CSRNP3: variants seen among roughly 807,000 people sequenced by gnomAD.
CSRNP3 encodes cysteine and serine rich nuclear protein 3.
CSRNP3 carries 12 observed loss-of-function variants against 48.0 expected under a neutral mutation model. The ratio of observed to expected loss-of-function variants is 0.25; its 90% CI spans 0.16 to 0.41. CSRNP3 has a LOEUF of 0.41. Among genes scored for constraint, CSRNP3 ranks in the 10% least tolerant of loss-of-function variants. CSRNP3 has a pLI of 1.00. For missense variants in CSRNP3, 580 were observed against 724.4 expected, an observed-to-expected ratio of 0.80 and a Z score of 2.29; for synonymous variants, 263 against 269.7, an observed-to-expected ratio of 0.98 and a Z score of 0.24.
Position 165,529,661 on chromosome 2 carries a change from T to C in CSRNP3, c.-24+11700T>C, listed in dbSNP as rs543790350. ...AGTGCATGCAGAAACTTCTCTTTTT[T>C]TCAAACCGGCGTGGATGTATGATTT... On this transcript the variant is annotated intron_variant, in intron 3 of 6. Coordinates refer to ENST00000651982, the MANE Select transcript of CSRNP3 (RefSeq NM_001172173.2). 2.0e-5 allele frequency among the ~76,000 whole-genome samples: 3 copies of C among 152,328 alleles called. No homozygotes were observed. In the East Asian group the frequency reaches 5.8e-4, roughly 29 times the overall value.
intron 2 of CSRNP3, among the ~76,000 whole-genome samples, chr2:165,509,853 G>A (rs954110474): frequency 2.8e-4 from 42 of 152,046 alleles, no homozygotes; most frequent in African/African-American, 7.2e-4. Context: ...CATTGAATTC[G>A]GTCATCATGT....
intron 3 of CSRNP3, among the ~76,000 whole-genome samples, chr2:165,585,934 C>G (rs529488846): frequency 6.6e-6 from 1 of 152,218 alleles, no homozygotes; most frequent in Non-Finnish European, 1.5e-5. Context: ...TTGATGCCTC[C>G]TATTGTTCCT....
At chr2:165,525,529 C>T (rs1269389124) in intron 3 of CSRNP3, among the ~76,000 whole-genome samples, 1 of 149,210 alleles carries the variant, frequency 6.7e-6, no homozygotes, top group East Asian at 1.9e-4. Context: ...CTCTGTCGTC[C>T]AGGCTGGAGT....
intron 5 of CSRNP3, among the ~76,000 whole-genome samples, chr2:165,659,187 A>G (rs1007774181): frequency 3.3e-5 from 5 of 152,184 alleles, no homozygotes; most frequent in African/African-American, 1.2e-4. Context: ...GGGATGGAAT[A>G]TATGAAGTTA....
rs564981350 is a variant in CSRNP3 at position 165,611,671 on chromosome 2, G to C, written c.148+16458G>C. Among the ~76,000 whole-genome samples the C allele has an allele frequency of 3.9e-5, 6 of 152,028 alleles. No homozygotes were observed. The South Asian group carries it at 1.2e-3, about 32-fold the overall frequency. ...TTCTCACTGCAATTCTGTGAAATAG[G>C]TTCTATTTTTAATCTTAATTTTACA... On this transcript the variant is annotated intron_variant, in intron 4 of 6. Transcript: ENST00000651982.
At chr2:165,662,860 G>A (rs1687119522) in intron 5 of CSRNP3, among the ~76,000 whole-genome samples, 1 of 151,886 alleles carries the variant, frequency 6.6e-6, no homozygotes, top group Non-Finnish European at 1.5e-5. Context: ...TCAGAATTAT[G>A]TACTTTTCTC....
chr2:165,495,668 C>T (rs7560584), intron 2 of CSRNP3, among the ~76,000 whole-genome samples: 40,660 of 151,902 alleles, frequency 0.27, 5,621 homozygotes, highest in East Asian at 0.38. Context: ...AATTATATTT[C>T]AGAAGAGTTA....
chr2:165,524,771 T>C (rs1247498955), intron 3 of CSRNP3, among the ~76,000 whole-genome samples: 1 of 152,238 alleles, frequency 6.6e-6, no homozygotes, highest in Non-Finnish European at 1.5e-5. Context: ...TCAATAATTA[T>C]TTCCTTAGTA....
intron 2 of CSRNP3, among the ~76,000 whole-genome samples, chr2:165,513,774 T>C (rs1684539971): frequency 6.6e-6 from 1 of 152,114 alleles, no homozygotes; most frequent in Non-Finnish European, 1.5e-5. Flanking sequence ...CCATTGCCAA[T>C]CAAGATAGCA....
chr2:165,500,823 A>G (rs1684349431), intron 2 of CSRNP3, among the ~76,000 whole-genome samples: 1 of 152,108 alleles, frequency 6.6e-6, no homozygotes, highest in South Asian at 2.1e-4. Flanking sequence ...GAAAATGTAT[A>G]TACTTTAAAT....
intron 3 of CSRNP3, among the ~76,000 whole-genome samples, chr2:165,590,460 T>C (rs1685698167): frequency 2.0e-5 from 3 of 152,348 alleles, no homozygotes; most frequent in Admixed American, 2.0e-4. Flanking sequence ...ATAGTTACTA[T>C]TGTATTGAAT....
chr2:165,560,078 C>T (rs144637608), intron 3 of CSRNP3, among the ~76,000 whole-genome samples: 2 of 152,136 alleles, frequency 1.3e-5, no homozygotes, highest in East Asian at 3.9e-4. Context: ...GGATTACAGA[C>T]GTGAGCCAAT....
intron 5 of CSRNP3, among the ~76,000 whole-genome samples, chr2:165,671,912 A>C (rs1465287219): frequency 1.3e-5 from 2 of 152,176 alleles, no homozygotes; most frequent in Non-Finnish European, 2.9e-5. Context: ...AGAGCGGGGA[A>C]AAAATCCACC....
intron 4 of CSRNP3, among the ~76,000 whole-genome samples, chr2:165,654,604 C>T (rs1430999807): frequency 6.6e-6 from 1 of 152,090 alleles, no homozygotes; most frequent in African/African-American, 2.4e-5. Context: ...CAGGGATCAT[C>T]ATCTGTGTAT....
chr2:165,483,096 A>T (rs984580110), intron 1 of CSRNP3, among the ~76,000 whole-genome samples: 1 of 150,598 alleles, frequency 6.6e-6, no homozygotes, highest in African/African-American at 2.4e-5. Context: ...TGTATATATA[A>T]AAATATATAA....
intron 1 of CSRNP3, among the ~76,000 whole-genome samples, chr2:165,470,834 A>G (rs988388572): frequency 1.3e-5 from 2 of 152,126 alleles, no homozygotes; most frequent in South Asian, 2.1e-4. Context: ...ATCGATTAAT[A>G]CCTGTTGATT....
chr2:165,667,292 T>A (rs1251507095), intron 5 of CSRNP3, among the ~76,000 whole-genome samples: 1 of 152,212 alleles, frequency 6.6e-6, no homozygotes, highest in African/African-American at 2.4e-5. Flanking sequence ...TTCCATATGT[T>A]AAGCTTCTGC....
chr2:165,623,562 T>C (rs944995585), intron 4 of CSRNP3, among the ~76,000 whole-genome samples: 1 of 152,316 alleles, frequency 6.6e-6, no homozygotes, highest in Admixed American at 6.5e-5. Flanking sequence ...ATGCAAATAC[T>C]ACACCATTTT....
chr2:165,516,641 T>C (rs914464098), intron 2 of CSRNP3, among the ~76,000 whole-genome samples: 1 of 152,150 alleles, frequency 6.6e-6, no homozygotes, highest in Non-Finnish European at 1.5e-5. Flanking sequence ...TGAATTTTGA[T>C]TGCATTTTTC....
Sources: gnomAD v4.1 joint callset for allele counts (sites outside exome capture counted in the v4.1 genomes callset) on GRCh38, gnomAD v4.1.1 for gene constraint, MANE v1.5 for transcripts, NCBI Gene and HGNC (gene_info 2026-07-23, HGNC 2026-07-21) for gene names.